DNAH8: variants seen among roughly 807,000 people sequenced by gnomAD.
DNAH8 encodes dynein axonemal heavy chain 8.
A neutral mutation model predicts 562.1 loss-of-function variants in DNAH8; 382 were observed. The ratio of observed to expected loss-of-function variants is 0.68; its 90% CI spans 0.63 to 0.74. The LOEUF (loss-of-function observed/expected upper bound fraction) is 0.74, where lower values mean the gene tolerates loss of function less well. Among genes scored for constraint, DNAH8 ranks in the 30% least tolerant of loss-of-function variants. The pLI, the probability that DNAH8 is intolerant of heterozygous loss-of-function variation, is 0.00. For synonymous variants in DNAH8, 1,881 were observed against 1,919.4 expected, an observed-to-expected ratio of 0.98 and a Z score of 0.52; for missense variants, 5,203 against 5,620.4, an observed-to-expected ratio of 0.93 and a Z score of 2.37.
At chr6:38,925,518 G>A (rs1166993351) in intron 73 of DNAH8, among the ~76,000 whole-genome samples, 1 of 151,750 alleles carries the variant, frequency 6.6e-6, no homozygotes, top group East Asian at 1.9e-4. Flanking sequence ...TGATCACATG[G>A]TGGGAGGCTG....
intron 26 of DNAH8, among the ~76,000 whole-genome samples, chr6:38,819,043 A>G (rs899082725): frequency 4.6e-5 from 7 of 152,090 alleles, no homozygotes; most frequent in African/African-American, 1.7e-4. Flanking sequence ...TGACACATAT[A>G]TTTTCTAGGA....
chr6:38,809,156 C>A (rs1441630151), intron 24 of DNAH8, among the ~76,000 whole-genome samples: 2 of 149,838 alleles, frequency 1.3e-5, no homozygotes, highest in Admixed American at 1.3e-4. Flanking sequence ...TGGATTAATT[C>A]ATAAGTATTC....
intron 54 of DNAH8, 31 bp downstream of exon 54, chr6:38,883,083 C>A: frequency 1.3e-6 from 2 of 1,533,424 alleles, no homozygotes; most frequent in South Asian, 2.7e-5. Context: ...CTTAAATGAT[C>A]ACAAACCATC....
intron 79 of DNAH8, among the ~76,000 whole-genome samples, chr6:38,939,611 GCTAT>G (rs1447934271): frequency 6.6e-6 from 1 of 152,200 alleles, no homozygotes; most frequent in Non-Finnish European, 1.5e-5. Flanking sequence ...TCACCTAAGT[GCTAT>G]AAGAGAGCTA....
intron 5 of DNAH8, among the ~76,000 whole-genome samples, chr6:38,736,100 T>TG (rs1346319326): frequency 3.3e-5 from 5 of 151,974 alleles, no homozygotes; most frequent in Admixed American, 2.6e-4. Flanking sequence ...ATCACGCCAC[T>TG]GCACTTCAGC....
chr6:38,893,798 G>A (rs796608528), intron 58 of DNAH8, among the ~76,000 whole-genome samples: 27 of 152,296 alleles, frequency 1.8e-4, no homozygotes, highest in African/African-American at 6.5e-4. Flanking sequence ...GCTAAAGAAA[G>A]CATCTGCTTT....
At position 38,866,700 on chromosome 6, in the gene DNAH8, A is replaced by G. The variant is rs368671071; in HGVS notation, c.6585+23A>G. ...CAGGTATGCACTAGGATTTAAAAGC[A>G]TAATGTGCTTTATGTTCTTTACTTG... On this transcript the variant is annotated intron_variant, in intron 46 of 92. Transcript: ENST00000327475. 36 of 1,603,494 alleles carry G rather than the reference A, an allele frequency of 2.2e-5. No homozygotes were observed. The African/African-American group carries it at 3.5e-4, about 16-fold the overall frequency.
intron 54 of DNAH8, 25 bp from the exon 55 acceptor site, chr6:38,883,297 C>G: frequency 6.3e-7 from 1 of 1,579,668 alleles, no homozygotes; most frequent in Non-Finnish European, 8.6e-7. Flanking sequence ...TAACACATTT[C>G]AACACTATTA....
intron 82 of DNAH8, among the ~76,000 whole-genome samples, chr6:38,969,051 C>T (rs529735971): frequency 5.3e-5 from 8 of 152,010 alleles, no homozygotes; most frequent in African/African-American, 1.9e-4. Context: ...TGCATAATTC[C>T]ATTTAATGAA....
intron 12 of DNAH8, among the ~76,000 whole-genome samples, chr6:38,771,251 A>G (rs898832654): frequency 7.2e-5 from 11 of 152,198 alleles, no homozygotes; most frequent in African/African-American, 1.4e-4. Flanking sequence ...ACATGTTTGG[A>G]AGCCTATTTT....
chr6:39,015,468 C>A (rs912868212), intron 91 of DNAH8, among the ~76,000 whole-genome samples: 1 of 152,144 alleles, frequency 6.6e-6, no homozygotes, highest in African/African-American at 2.4e-5. Context: ...AGGTGGTTTT[C>A]CCCATGCTGC....
intron 91 of DNAH8, among the ~76,000 whole-genome samples, chr6:39,017,914 G>A (rs1766664178): frequency 1.3e-5 from 2 of 152,184 alleles, no homozygotes; most frequent in Non-Finnish European, 2.9e-5. Flanking sequence ...TTGTGGAGGT[G>A]GGAAAGTGTG....
intron 16 of DNAH8, 27 bp downstream of exon 16, chr6:38,781,400 G>C: frequency 6.2e-7 from 1 of 1,610,294 alleles, no homozygotes; most frequent in Non-Finnish European, 8.5e-7. Context: ...ATTTTAATAT[G>C]TGGATTTTGG....
chr6:38,987,424 G>A (rs1764477461), intron 87 of DNAH8, among the ~76,000 whole-genome samples: 1 of 152,160 alleles, frequency 6.6e-6, no homozygotes, highest in African/African-American at 2.4e-5. Context: ...GGCCTGGGAT[G>A]TGCAGACTTC....
chr6:38,996,813 C>G (rs188357551), intron 88 of DNAH8, among the ~76,000 whole-genome samples: 1 of 152,278 alleles, frequency 6.6e-6, no homozygotes, highest in East Asian at 1.9e-4. Flanking sequence ...TGTGTTTTGT[C>G]AAGTCTCTCT....
chr6:38,933,077 G>A (rs899207533), intron 76 of DNAH8, among the ~76,000 whole-genome samples: 1 of 152,122 alleles, frequency 6.6e-6, no homozygotes, highest in African/African-American at 2.4e-5. Context: ...GCAATTCACT[G>A]TTTCCATCGC....
chr6:38,715,950 A>T (rs1326867108), intron 1 of DNAH8, among the ~76,000 whole-genome samples: 1,073 of 31,118 alleles, frequency 0.034, 134 homozygotes, highest in East Asian at 0.31. Context: ...ATATATATAT[A>T]TATATATATA....
chr6:39,013,783 C>T (rs1210764799), intron 91 of DNAH8, among the ~76,000 whole-genome samples: 1 of 151,724 alleles, frequency 6.6e-6, no homozygotes, highest in African/African-American at 2.4e-5. Context: ...CCTGGAAGAT[C>T]AAGATTGCAG....
intron 82 of DNAH8, among the ~76,000 whole-genome samples, chr6:38,962,956 G>A (rs1561919859): frequency 6.6e-6 from 1 of 152,130 alleles, no homozygotes; most frequent in Non-Finnish European, 1.5e-5. Flanking sequence ...ATGATACAAT[G>A]GACTTTGGGG....
Sources: allele counts gnomAD v4.1 joint callset (sites outside exome capture counted in the v4.1 genomes callset), GRCh38; gene constraint gnomAD v4.1.1; transcripts MANE v1.5; gene names NCBI Gene and HGNC (gene_info 2026-07-23, HGNC 2026-07-21).